The following MTMR2 variants were observed in gnomAD, a reference collection of about 807,000 sequenced individuals.
MTMR2 encodes myotubularin related protein 2.
In MTMR2, 55 loss-of-function variants were observed where a neutral mutation model predicts 86.9. That is an observed-to-expected ratio of 0.63 (90% CI 0.51 to 0.79). MTMR2 has a LOEUF of 0.79. Ranked by LOEUF, MTMR2 falls within the 30% of genes least tolerant of loss-of-function variation. The pLI is 0.00. For synonymous variants in MTMR2, 241 were observed against 266.8 expected (o/e 0.90, Z 0.94); for missense variants, 659 against 772.3 (o/e 0.85, Z 1.74).
intron 1 of MTMR2, among the ~76,000 whole-genome samples, chr11:95,907,069 A>G (rs1866306819): frequency 6.6e-6 from 1 of 152,140 alleles, no homozygotes; most frequent in South Asian, 2.1e-4. Flanking sequence ...AGATCAAGGA[A>G]AGTGGAAGTT....
At chr11:95,870,731 C>CTTTTTTTTTTTTTTTT (rs1158293839) in intron 2 of MTMR2, among the ~76,000 whole-genome samples, 4 of 129,970 alleles carry the variant, frequency 3.1e-5, no homozygotes, top group African/African-American at 9.0e-5. Context: ...TTCTTTTTTT[C>CTTTTTTTTTTTTTTTT]TTTTTCTTTT....
In MTMR2 at chr11:95,845,155, A is replaced by G. The variant is rs774525225; in HGVS notation, c.1184T>C (p.Ile395Thr). 2 of 1,613,666 alleles carry G rather than the reference A, an allele frequency of 1.2e-6. No individual in the cohort carries two copies. The highest frequency in any genetic ancestry group is 2.7e-5 in the African/African-American group (2 of 75,028). Residue 395 changes from isoleucine to threonine, a missense_variant, in exon 11 of 15, where the codon ATT becomes ACT. Transcript: ENST00000346299. ...STHWLEHIKL[I>T]LAGALRIADK... is the part of the protein sequence containing the mutation. ...AGCAATCCTAAGAGCCCCTGCAAGAATAAGCTGGAAAACAGATTTTTTAAT... is the reference window on the plus strand; with the variant it reads ...AGCAATCCTAAGAGCCCCTGCAAGAGTAAGCTGGAAAACAGATTTTTTAAT...
At chr11:95,920,286 G>T (rs906694179) in intron 1 of MTMR2, among the ~76,000 whole-genome samples, 73 of 152,096 alleles carry the variant, frequency 4.8e-4, no homozygotes, top group Non-Finnish European at 8.1e-4. Context: ...TATTAAGCAG[G>T]ACTCACCAAA....
chr11:95,838,721 C>T lies in MTMR2; in HGVS notation c.1480-514G>A, dbSNP rs914913013. ...GAAATGGCAATTACTTTTGCACCGA[C>T]GTAAACTTTTCAGGGAACATCCATC... On this transcript the variant is annotated intron_variant, in intron 12 of 14. Coordinates refer to ENST00000346299, the MANE Select transcript of MTMR2 (RefSeq NM_016156.6). Among the ~76,000 whole-genome samples the T allele has an allele frequency of 8.6e-5, 13 of 152,032 alleles. No individual in the cohort carries two copies. In the East Asian group the frequency reaches 1.2e-3, roughly 14 times the overall value.
At chr11:95,916,692 A>T (rs1591053740) in intron 1 of MTMR2, among the ~76,000 whole-genome samples, 2 of 152,262 alleles carry the variant, frequency 1.3e-5, no homozygotes, top group Admixed American at 1.3e-4. Flanking sequence ...CAGTGTTTAA[A>T]TTTTTAATTA....
Position 95,847,975 on chromosome 11 carries a change from G to C in MTMR2, c.994-76C>G, listed in dbSNP as rs902936928. The C allele has an allele frequency of 4.4e-6, 6 of 1,375,888 alleles. No homozygotes were observed. The African/African-American group carries it at 8.6e-5, about 20-fold the overall frequency. 85.2% of individuals were successfully genotyped at this position (1,375,888 alleles called of 1,614,324 possible). A position where few individuals can be genotyped will look rare whatever the true frequency, so the allele number is the denominator to read the frequency against. On this transcript the variant is annotated intron_variant, in intron 9 of 14. Coordinates refer to ENST00000346299, the MANE Select transcript of MTMR2 (RefSeq NM_016156.6). ...AACAAGTGACATAAAATATCCAATAGCATAAAAGATGATACATATTACTGG... is the reference window on the plus strand; with the variant it reads ...AACAAGTGACATAAAATATCCAATACCATAAAAGATGATACATATTACTGG...
In MTMR2 at chr11:95,862,374, A is replaced by T. The variant is rs1864459395; in HGVS notation, c.263-8T>A. ...TATAAGTTACATCTTTGGCTGAAAA[A>T]GCAAGAAGTCCACAGTTTACTATAC... On this transcript the variant is annotated splice_polypyrimidine_tract_variant and splice_region_variant and intron_variant, in intron 3 of 14. Coordinates refer to ENST00000346299, the MANE Select transcript of MTMR2 (RefSeq NM_016156.6). 1.3e-6 allele frequency: 2 copies of T among 1,583,972 alleles called. No individual in the cohort carries two copies.
intron 2 of MTMR2, among the ~76,000 whole-genome samples, chr11:95,881,411 T>C (rs969535882): frequency 1.3e-5 from 2 of 152,116 alleles, no homozygotes; most frequent in Non-Finnish European, 2.9e-5. Flanking sequence ...AACTTTTGAA[T>C]TTTTTTGGAA....
chr11:95,841,971 G>A (rs1186724099), intron 11 of MTMR2, among the ~76,000 whole-genome samples: 2 of 152,080 alleles, frequency 1.3e-5, no homozygotes, highest in African/African-American at 4.8e-5. Flanking sequence ...GCGTGCACCT[G>A]TAGTCCTAGC....
At chr11:95,835,814 A>C (rs1362162286) in intron 14 of MTMR2, among the ~76,000 whole-genome samples, 1 of 152,080 alleles carries the variant, frequency 6.6e-6, no homozygotes, top group Non-Finnish European at 1.5e-5. Flanking sequence ...AAACATATTC[A>C]CAGTAGACCA....
intron 10 of MTMR2, among the ~76,000 whole-genome samples, chr11:95,846,553 A>G (rs1254256629): frequency 6.6e-6 from 1 of 152,184 alleles, no homozygotes; most frequent in Non-Finnish European, 1.5e-5. Context: ...ACCAGAAGAG[A>G]GTGATTGAGT....
chr11:95,854,938 T>G (rs487609), intron 7 of MTMR2, among the ~76,000 whole-genome samples: 41,933 of 151,738 alleles, frequency 0.28, 7,026 homozygotes, highest in Non-Finnish European at 0.38. Context: ...CCCCCCTGGA[T>G]AGCTGTGACT....
intron 1 of MTMR2, among the ~76,000 whole-genome samples, chr11:95,898,739 C>T (rs1865967481): frequency 1.3e-5 from 2 of 152,120 alleles, no homozygotes; most frequent in African/African-American, 2.4e-5. Flanking sequence ...CCTAACAATG[C>T]TGTATATGAA....
At chr11:95,887,326 C>A (rs1336073407) in intron 2 of MTMR2, among the ~76,000 whole-genome samples, 2 of 151,884 alleles carry the variant, frequency 1.3e-5, no homozygotes, top group Non-Finnish European at 2.9e-5. Flanking sequence ...GAAGACATAC[C>A]CTCATCAGAT....
chr11:95,907,883 G>A, intron 1 of MTMR2: 1 of 444,228 alleles, frequency 2.3e-6, no homozygotes, highest in Non-Finnish European at 4.5e-6. Context: ...GAGAGCTACA[G>A]CCAACATCAC....
chr11:95,834,661 A>C lies in MTMR2; in HGVS notation c.*629T>G, dbSNP rs1863173982. On this transcript the variant is annotated 3_prime_UTR_variant, in exon 15 of 15. Coordinates refer to ENST00000346299, the MANE Select transcript of MTMR2 (RefSeq NM_016156.6). ...ACATCTATAAGGCCTCCCATTTTGG[A>C]TCAACTTGCTAATATGTCTTAAGTA... is the stretch of plus-strand genomic sequence containing the variant. The C allele has an allele frequency of 1.3e-5, 2 of 152,684 alleles. No homozygotes were observed. The highest frequency in any genetic ancestry group is 2.9e-5 in the Non-Finnish European group (2 of 68,470). The allele number at this position is 152,684 out of a possible 1,614,324, so 9.5% of individuals were successfully genotyped here.
chr11:95,898,119 T>C (rs1865941187), intron 1 of MTMR2, among the ~76,000 whole-genome samples: 1 of 152,114 alleles, frequency 6.6e-6, no homozygotes, highest in South Asian at 2.1e-4. Context: ...GCAGACCGTA[T>C]TCCATTCTTA....
At chr11:95,905,554 A>G (rs962525233) in intron 1 of MTMR2, among the ~76,000 whole-genome samples, 5 of 152,174 alleles carry the variant, frequency 3.3e-5, no homozygotes, top group Non-Finnish European at 5.9e-5. Flanking sequence ...TCTCAGGAAG[A>G]CTTTCTAGAT....
intron 1 of MTMR2, among the ~76,000 whole-genome samples, chr11:95,903,886 A>G (rs1434569918): frequency 1.3e-5 from 2 of 152,116 alleles, no homozygotes; most frequent in African/African-American, 4.8e-5. Context: ...AGGCTGAGGC[A>G]GGCGGATCAC....
Sources: allele counts gnomAD v4.1 joint callset (sites outside exome capture counted in the v4.1 genomes callset), GRCh38; gene constraint gnomAD v4.1.1; transcripts MANE v1.5; gene names NCBI Gene and HGNC (gene_info 2026-07-23, HGNC 2026-07-21).